Variants in MARCHF1 observed in about 807,000 individuals in gnomAD.
MARCHF1 encodes E3 ubiquitin-protein ligase MARCHF1.
MARCHF1 carries 40 observed loss-of-function variants against 54.2 expected under a neutral mutation model. That is an observed-to-expected ratio of 0.74 (90% confidence interval 0.57 to 0.96). The LOEUF (loss-of-function observed/expected upper bound fraction) is 0.96, where lower values mean the gene tolerates loss of function less well. MARCHF1 is among the 40% of genes least tolerant of loss of function. MARCHF1 has a pLI of 0.00. For missense variants in MARCHF1, 586 were observed against 656.5 expected, an observed-to-expected ratio of 0.89 and a Z score of 1.17; for synonymous variants, 236 against 236.3, an observed-to-expected ratio of 1.00 and a Z score of 0.01.
At chr4:163,757,281 A>C (rs948233118) in intron 4 of MARCHF1, among the ~76,000 whole-genome samples, 2 of 152,168 alleles carry the variant, frequency 1.3e-5, no homozygotes, top group Non-Finnish European at 2.9e-5. Flanking sequence ...TGGTGTCTCC[A>C]TGTGAAGAGA....
intron 3 of MARCHF1, among the ~76,000 whole-genome samples, chr4:163,929,937 ATATTTATAT>A (rs1228294899): frequency 4.6e-5 from 2 of 43,050 alleles, no homozygotes; most frequent in African/African-American, 1.3e-4. Context: ...AATATATTAT[ATATTTATAT>A]TATATATATT....
intron 5 of MARCHF1, among the ~76,000 whole-genome samples, chr4:163,676,198 A>AAC (rs1390359570): frequency 2.0e-5 from 3 of 148,982 alleles, no homozygotes; most frequent in South Asian, 4.2e-4. Context: ...AAAAAAAAAA[A>AAC]AAAAAAAAAT....
At chr4:163,535,096 G>A (rs1738484354) in intron 9 of MARCHF1, among the ~76,000 whole-genome samples, 2 of 151,894 alleles carry the variant, frequency 1.3e-5, no homozygotes, top group Non-Finnish European at 2.9e-5. Context: ...GACAGCACTA[G>A]TTCCTCATCT....
rs527739248 is a variant in MARCHF1, at chr4:163,649,661, C to CA, written c.163-36269dup. 4.0e-5 allele frequency among the ~76,000 whole-genome samples: 6 copies of CA among 151,750 alleles called. No homozygotes were observed. The East Asian group carries it at 5.8e-4, about 15-fold the overall frequency. On this transcript the variant is annotated intron_variant, in intron 5 of 9. Coordinates refer to ENST00000514618, the MANE Select transcript of MARCHF1 (RefSeq NM_001394959.1). The stretch of plus-strand genomic sequence containing the variant: ...TAAAAGAACAAATAAACAGAACACA[C>CA]AAAAAAAACCGCATGGGACTTTTTC...
At chr4:164,237,670 T>C (rs1250739032) in intron 1 of MARCHF1, among the ~76,000 whole-genome samples, 2 of 152,046 alleles carry the variant, frequency 1.3e-5, no homozygotes, top group Admixed American at 1.3e-4. Context: ...TTAATATTCA[T>C]GCTGCTCAGA....
intron 3 of MARCHF1, among the ~76,000 whole-genome samples, chr4:163,868,576 T>C (rs181098765): frequency 2.6e-5 from 4 of 152,158 alleles, no homozygotes; most frequent in Non-Finnish European, 4.4e-5. Context: ...CAAATGTATG[T>C]ATTTGTGTAC....
intron 1 of MARCHF1, among the ~76,000 whole-genome samples, chr4:164,226,960 G>A (rs1732275938): frequency 1.3e-5 from 2 of 152,088 alleles, no homozygotes; most frequent in Admixed American, 1.3e-4. Flanking sequence ...TAGATTATCA[G>A]CAAATAGAGA....
intron 5 of MARCHF1, among the ~76,000 whole-genome samples, chr4:163,686,020 A>G (rs1325461834): frequency 6.6e-6 from 1 of 152,200 alleles, no homozygotes; most frequent in Non-Finnish European, 1.5e-5. Context: ...TTCAAATTGT[A>G]AATCTGTCTA....
At chr4:163,986,249 C>CCTTTTTTTTTTTTTTT (rs1752864138) in intron 3 of MARCHF1, among the ~76,000 whole-genome samples, 1 of 28,830 alleles carries the variant, frequency 3.5e-5, no homozygotes, top group Non-Finnish European at 7.7e-5. Context: ...TTAACCTCTT[C>CCTTTTTTTTTTTTTTT]TTTTTTTTTT....
At chr4:163,752,556 A>G (rs552674554) in intron 4 of MARCHF1, among the ~76,000 whole-genome samples, 6 of 152,324 alleles carry the variant, frequency 3.9e-5, no homozygotes, top group African/African-American at 1.4e-4. Flanking sequence ...TTTAAGCATT[A>G]TTATTATAAA....
At chr4:163,919,460 G>A (rs1298760767) in intron 3 of MARCHF1, among the ~76,000 whole-genome samples, 1 of 151,700 alleles carries the variant, frequency 6.6e-6, no homozygotes, top group African/African-American at 2.4e-5. Flanking sequence ...AATTACAAAG[G>A]ACATAAGAAT....
chr4:164,320,748 A>C (rs773642756), intron 1 of MARCHF1, among the ~76,000 whole-genome samples: 2 of 150,944 alleles, frequency 1.3e-5, no homozygotes, highest in Non-Finnish European at 1.5e-5. Context: ...CCAAAACAAA[A>C]GCTTCCTTTA....
chr4:164,326,832 T>C (rs1398838774), intron 1 of MARCHF1, among the ~76,000 whole-genome samples: 2 of 152,194 alleles, frequency 1.3e-5, no homozygotes, highest in Non-Finnish European at 2.9e-5. Flanking sequence ...TGTAGTCTAA[T>C]TTCAGATTTT....
chr4:163,792,883 G>C (rs1207778767), intron 4 of MARCHF1, among the ~76,000 whole-genome samples: 1 of 152,152 alleles, frequency 6.6e-6, no homozygotes, highest in Admixed American at 6.5e-5. Flanking sequence ...TGGGAACCAG[G>C]GGCTCCAAGC....
chr4:163,976,215 C>T (rs965072467), intron 3 of MARCHF1, among the ~76,000 whole-genome samples: 17 of 152,040 alleles, frequency 1.1e-4, no homozygotes, highest in African/African-American at 2.2e-4. Context: ...GGTCATCTAA[C>T]GGGGCAAGTG....
intron 1 of MARCHF1, among the ~76,000 whole-genome samples, chr4:164,228,843 G>C (rs1040650588): frequency 2.0e-4 from 30 of 152,124 alleles, no homozygotes; most frequent in African/African-American, 5.6e-4. Flanking sequence ...TCTTAATAGA[G>C]GGAGGAGAGG....
chr4:164,201,193 A>G (rs1475148017), intron 1 of MARCHF1, among the ~76,000 whole-genome samples: 1 of 144,588 alleles, frequency 6.9e-6, no homozygotes, highest in Non-Finnish European at 1.5e-5. Context: ...CATGTTTTAC[A>G]GACATGTTTT....
At chr4:164,176,560 C>G (rs1730668262) in intron 1 of MARCHF1, among the ~76,000 whole-genome samples, 1 of 152,034 alleles carries the variant, frequency 6.6e-6, no homozygotes, top group Admixed American at 6.6e-5. Flanking sequence ...AAAAACGATA[C>G]AGGAGTACAG....
At chr4:164,201,329 C>T (rs868553192) in intron 1 of MARCHF1, among the ~76,000 whole-genome samples, 1 of 152,228 alleles carries the variant, frequency 6.6e-6, no homozygotes, top group Middle Eastern at 3.4e-3. Flanking sequence ...AAGCGATTCT[C>T]CTGCCTCAGC....
Sources: gnomAD v4.1 joint callset for allele counts (sites outside exome capture counted in the v4.1 genomes callset) on GRCh38, gnomAD v4.1.1 for gene constraint, MANE v1.5 for transcripts, NCBI Gene and HGNC (gene_info 2026-07-23, HGNC 2026-07-21) for gene names.